SEMA3A: variants seen among roughly 807,000 people sequenced by gnomAD.
SEMA3A encodes the protein semaphorin-3A.
Under a neutral mutation model 97.9 loss-of-function variants are expected in SEMA3A, and 29 were observed. That is an observed-to-expected ratio of 0.30 (90% CI 0.22 to 0.40). SEMA3A has a LOEUF of 0.40. SEMA3A is among the 10% of genes least tolerant of loss of function. SEMA3A has a pLI of 1.00. For missense variants in SEMA3A, 763 were observed against 951.3 expected (o/e 0.80, Z 2.60); for synonymous variants, 321 against 323.7 (o/e 0.99, Z 0.09).
chr7:84,391,959 C>CAAA (rs34411145), intron 1 of SEMA3A, among the ~76,000 whole-genome samples: 1 of 144,058 alleles, frequency 6.9e-6, no homozygotes, highest in African/African-American at 2.6e-5. Context: ...GACCCTGTCT[C>CAAA]AAAAAAAAAA....
chr7:84,383,788 C>T (rs13223611), intron 1 of SEMA3A, among the ~76,000 whole-genome samples: 17,052 of 152,200 alleles, frequency 0.11, 1,198 homozygotes, highest in East Asian at 0.28. Flanking sequence ...TAAAAGATCT[C>T]TACATCTAAA....
Position 84,475,266 on chromosome 7 carries a change from T to C in SEMA3A, c.-246+17194A>G, listed in dbSNP as rs779670447. The stretch of plus-strand genomic sequence containing the variant: ...AGAGTCTGTTTTTGTCGTTGGTTTG[T>C]TTTTTCTGTCTGCTTATATGTTTGT... On this transcript the variant is annotated intron_variant, in intron 1 of 3. Coordinates refer to the SEMA3A transcript ENST00000424555. 6.5e-4 allele frequency among the ~76,000 whole-genome samples: 99 copies of C among 152,150 alleles called. 1 individual carries two copies. Among genetic ancestry groups the C allele is most frequent in the Non-Finnish European group, 7.2e-4 (49 of 68,020 alleles).
intron 3 of SEMA3A, among the ~76,000 whole-genome samples, chr7:84,240,587 C>A (rs529816205): frequency 1.5e-4 from 23 of 152,250 alleles, no homozygotes; most frequent in African/African-American, 4.3e-4. Context: ...TAGAGCCTCG[C>A]AAAGAAGCAT....
chr7:83,990,980 C>G (rs978020665), intron 12 of SEMA3A, among the ~76,000 whole-genome samples: 1 of 151,922 alleles, frequency 6.6e-6, no homozygotes, highest in Non-Finnish European at 1.5e-5. Context: ...TTGTTTGTAT[C>G]CTCTTTTATT....
At chr7:84,380,010 A>G (rs1417145192) in intron 1 of SEMA3A, among the ~76,000 whole-genome samples, 1 of 152,198 alleles carries the variant, frequency 6.6e-6, no homozygotes. Context: ...AGCATATTGG[A>G]CTTTGGAAAT....
intron 4 of SEMA3A, among the ~76,000 whole-genome samples, chr7:84,099,732 A>T (rs972995648): frequency 1.8e-4 from 28 of 152,102 alleles, no homozygotes; most frequent in Non-Finnish European, 2.6e-4. Flanking sequence ...GCTATTATTT[A>T]GATATCTTGA....
At chr7:84,137,255 G>C (rs1796160395) in intron 1 of SEMA3A, among the ~76,000 whole-genome samples, 1 of 151,908 alleles carries the variant, frequency 6.6e-6, no homozygotes, top group South Asian at 2.1e-4. Flanking sequence ...AAAAAAATAA[G>C]CTGGGCTTGA....
intron 1 of SEMA3A, among the ~76,000 whole-genome samples, chr7:84,161,092 G>A (rs1481036137): frequency 2.0e-5 from 3 of 151,924 alleles, no homozygotes; most frequent in Non-Finnish European, 4.4e-5. Context: ...TAGGCCGGGC[G>A]TGGTGTCTCA....
chr7:84,444,849 G>C (rs1475866672), intron 1 of SEMA3A, among the ~76,000 whole-genome samples: 1 of 151,878 alleles, frequency 6.6e-6, no homozygotes, highest in African/African-American at 2.4e-5. Flanking sequence ...TGTGAGTACA[G>C]TGATTTTCTT....
intron 12 of SEMA3A, among the ~76,000 whole-genome samples, chr7:83,989,099 G>C (rs989295357): frequency 2.6e-5 from 4 of 152,090 alleles, no homozygotes; most frequent in Non-Finnish European, 4.4e-5. Context: ...ATGAAAAATA[G>C]TTATGTGGTT....
At chr7:84,241,593 T>C (rs1799366279) in intron 3 of SEMA3A, among the ~76,000 whole-genome samples, 3 of 152,014 alleles carry the variant, frequency 2.0e-5, no homozygotes, top group Admixed American at 2.0e-4. Flanking sequence ...TGTTTGTGTT[T>C]TGTTTGTTTG....
chr7:84,424,623 T>A (rs1369362512), intron 1 of SEMA3A, among the ~76,000 whole-genome samples: 1 of 46,364 alleles, frequency 2.2e-5, no homozygotes, highest in Non-Finnish European at 3.2e-5. Context: ...ATATAATATA[T>A]AATATATATA....
intron 2 of SEMA3A, among the ~76,000 whole-genome samples, chr7:84,329,951 T>C (rs1189350905): frequency 6.6e-6 from 1 of 152,062 alleles, no homozygotes; most frequent in East Asian, 1.9e-4. Context: ...GCTGGTTTAA[T>C]TGATGTGTTT....
chr7:83,972,164 A>AT (rs918438313), intron 15 of SEMA3A, among the ~76,000 whole-genome samples: 14 of 151,936 alleles, frequency 9.2e-5, no homozygotes, highest in African/African-American at 3.1e-4. Context: ...ATTCATAAAT[A>AT]TTTTTTGCAG....
At chr7:84,084,043 G>T (rs1369263515) in intron 4 of SEMA3A, among the ~76,000 whole-genome samples, 1 of 151,682 alleles carries the variant, frequency 6.6e-6, no homozygotes, top group African/African-American at 2.4e-5. Flanking sequence ...TGCTTGGCTG[G>T]GCATCACTGA....
At chr7:84,453,894 G>T (rs1805625548) in intron 1 of SEMA3A, among the ~76,000 whole-genome samples, 1 of 152,044 alleles carries the variant, frequency 6.6e-6, no homozygotes, top group South Asian at 2.1e-4. Flanking sequence ...TTCTAGAAAA[G>T]AAAGTAATAC....
At chr7:84,056,602 C>G (rs1039128323) in intron 5 of SEMA3A, among the ~76,000 whole-genome samples, 1 of 151,780 alleles carries the variant, frequency 6.6e-6, no homozygotes, top group Non-Finnish European at 1.5e-5. Context: ...AGAAAATACC[C>G]CCTCTATCAC....
intron 1 of SEMA3A, among the ~76,000 whole-genome samples, chr7:84,436,481 A>G (rs1455762821): frequency 1.3e-5 from 2 of 152,168 alleles, no homozygotes; most frequent in African/African-American, 2.4e-5. Context: ...AAGCAATTCA[A>G]TAAGGAAAAG....
intron 3 of SEMA3A, among the ~76,000 whole-genome samples, chr7:84,266,398 A>G (rs1275807792): frequency 1.3e-5 from 2 of 151,890 alleles, no homozygotes; most frequent in African/African-American, 4.8e-5. Flanking sequence ...TTAGCAATAC[A>G]GAGTATAGGT....
Sources: allele counts gnomAD v4.1 joint callset (sites outside exome capture counted in the v4.1 genomes callset), GRCh38; gene constraint gnomAD v4.1.1; transcripts MANE v1.5; gene names NCBI Gene and HGNC (gene_info 2026-07-23, HGNC 2026-07-21).